TECPR2: variants seen among roughly 807,000 people sequenced by gnomAD.
The protein encoded by TECPR2 is tectonin beta-propeller repeat-containing protein 2.
Under a neutral mutation model 138.1 loss-of-function variants are expected in TECPR2, and 65 were observed. The ratio of observed to expected loss-of-function variants is 0.47; its 90% confidence interval spans 0.39 to 0.58. TECPR2 has a LOEUF of 0.58. Among genes scored for constraint, TECPR2 ranks in the 20% least tolerant of loss-of-function variants. The pLI is 0.00. For synonymous variants in TECPR2, 746 were observed against 749.8 expected (o/e 0.99, Z 0.08); for missense variants, 1,553 against 1,824.5 (o/e 0.85, Z 2.71).
intron 18 of TECPR2, 114 bp from the exon 19 acceptor site, chr14:102,497,456 T>A: frequency 1.5e-6 from 2 of 1,338,686 alleles, no homozygotes; most frequent in East Asian, 5.3e-5. Flanking sequence ...TCATGGGCAC[T>A]CCGTCCCCGC....
In TECPR2 at chr14:102,435,958, G is replaced by A. The variant is rs71415901; in HGVS notation, c.2394+747G>A. Among the ~76,000 whole-genome samples the A allele has an allele frequency of 9.1e-3, 1,384 of 152,270 alleles. 15 individuals carry two copies. Among genetic ancestry groups the A allele is most frequent in the Non-Finnish European group, 0.012 (818 of 68,022 alleles). On this transcript the variant is annotated intron_variant, in intron 9 of 19. Coordinates refer to ENST00000359520, the MANE Select transcript of TECPR2 (RefSeq NM_014844.5). ...GATGTGAGGTATGAATTATGGCTGCGCACTTACAGCCACGTGTGCTTTCCA... is the reference window on the plus strand; with the variant it reads ...GATGTGAGGTATGAATTATGGCTGCACACTTACAGCCACGTGTGCTTTCCA...
Position 102,421,069 on chromosome 14 carries a change from C to T in TECPR2, c.639-3910C>T, listed in dbSNP as rs114200702. On this transcript the variant is annotated intron_variant, in intron 5 of 19. Transcript: ENST00000359520. ...ACGATGTCTTACAGAATGTAGGAATCACTAAATGTTTGTTAACATGAGTGC... is the reference window on the plus strand; with the variant it reads ...ACGATGTCTTACAGAATGTAGGAATTACTAAATGTTTGTTAACATGAGTGC... Among the ~76,000 whole-genome samples the T allele has an allele frequency of 2.8e-3, 424 of 152,296 alleles. 3 individuals carry two copies. The highest frequency in any genetic ancestry group is 9.8e-3 in the African/African-American group (407 of 41,542).
chr14:102,438,220 TCCCTGCTCCCG>T lies in TECPR2; in HGVS notation c.2578+17_2578+27del, dbSNP rs761406354. On this transcript the variant is annotated intron_variant, in intron 10 of 19. Transcript: ENST00000359520. ...CTCGCCCTCAGGTTCGCCTCCCCGC[TCCCTGCTCCCG>T]CTCCCTGCTCCCGCTCGCCGCTCCT... 1.1e-6 allele frequency: 1 copy of T among 870,652 alleles called. No individual in the cohort carries two copies. Among genetic ancestry groups the T allele is most frequent in the South Asian group, 2.1e-5 (1 of 47,170 alleles). 53.9% of individuals were successfully genotyped at this position (870,652 alleles called of 1,614,324 possible). A position where few individuals can be genotyped will look rare whatever the true frequency, so the allele number is the denominator to read the frequency against.
intron 13 of TECPR2, among the ~76,000 whole-genome samples, chr14:102,448,808 G>A (rs544401740): frequency 9.2e-5 from 14 of 152,070 alleles, no homozygotes; most frequent in East Asian, 7.7e-4. Flanking sequence ...CAGAGGTTGC[G>A]GTGAGCCAAA....
In TECPR2 at chr14:102,492,257, C is replaced by CAGGGAGTG. The variant is rs1891174006; in HGVS notation, c.3790-4722_3790-4721insAGGGAGTG. On this transcript the variant is annotated intron_variant, in intron 17 of 19. Transcript: ENST00000359520. ...CTGGCCTCTCACCTAGAGTGAGGGC[C>CAGGGAGTG]CTGCCAGGGAGTGCCAGTCCTCCTT... is the stretch of plus-strand genomic sequence containing the variant. Among the ~76,000 whole-genome samples, 4 of 152,328 alleles carry CAGGGAGTG rather than the reference C, an allele frequency of 2.6e-5. No homozygotes were observed. The South Asian group carries it at 8.3e-4, about 32-fold the overall frequency.
chr14:102,453,095 A>G (rs1385635145), intron 16 of TECPR2, among the ~76,000 whole-genome samples: 6 of 152,242 alleles, frequency 3.9e-5, no homozygotes, highest in Non-Finnish European at 7.3e-5. Context: ...CCTTCAGCTC[A>G]GCCAGATATA....
At chr14:102,457,804 C>A (rs1267186645) in intron 16 of TECPR2, among the ~76,000 whole-genome samples, 1 of 149,480 alleles carries the variant, frequency 6.7e-6, no homozygotes, top group Admixed American at 6.7e-5. Context: ...TGTTCAATAT[C>A]AAATTTAGCC....
intron 13 of TECPR2, among the ~76,000 whole-genome samples, chr14:102,448,217 C>T (rs1167867111): frequency 6.6e-6 from 1 of 152,172 alleles, no homozygotes; most frequent in East Asian, 1.9e-4. Context: ...GCCTTGGCCT[C>T]CCAAAGTGCT....
In TECPR2 at chr14:102,415,970, G is replaced by C. The variant is rs72700604; in HGVS notation, c.638+1177G>C. ...TGAGGCGGAGCCAGCCCCTGTGGTC[G>C]TAGTCACTGCCCGTTATTCTGTGTT... On this transcript the variant is annotated intron_variant, in intron 5 of 19. Coordinates refer to ENST00000359520, the MANE Select transcript of TECPR2 (RefSeq NM_014844.5). This position sits in a 1 kb window ranked among gnomAD's most constrained non-coding sequence, Gnocchi z 4.3. Among the ~76,000 whole-genome samples the C allele has an allele frequency of 6.6e-6, 1 of 151,986 alleles. No individual in the cohort carries two copies. Among genetic ancestry groups the C allele is most frequent in the African/African-American group, 2.4e-5 (1 of 41,394 alleles).
chr14:102,465,116 T>A, intron 16 of TECPR2, 25 bp from the exon 17 acceptor site: 1 of 1,612,670 alleles, frequency 6.2e-7, no homozygotes, highest in South Asian at 1.1e-5. Flanking sequence ...GTAATTATAG[T>A]GTGTGTACTT....
chr14:102,441,123 G>A (rs1889818622), intron 11 of TECPR2, among the ~76,000 whole-genome samples: 1 of 152,024 alleles, frequency 6.6e-6, no homozygotes, highest in African/African-American at 2.4e-5. Context: ...GGCATGCAGT[G>A]GTGCCATCTT....
intron 4 of TECPR2, among the ~76,000 whole-genome samples, chr14:102,409,177 C>G (rs1888748420): frequency 6.6e-6 from 1 of 152,182 alleles, no homozygotes; most frequent in Admixed American, 6.5e-5. Flanking sequence ...GCACGTATGG[C>G]TTGATGATCT....
In TECPR2 at chr14:102,497,127, G is replaced by A. The variant is rs1475688517; in HGVS notation, c.3931+7G>A. 3.1e-6 allele frequency: 5 copies of A among 1,609,318 alleles called. No individual in the cohort carries two copies. The highest frequency in any genetic ancestry group is 2.2e-5 in the East Asian group (1 of 44,874). Reference sequence around the variant, plus strand: ...GCCTGGGAGCATGTGCCAGGTAGGAGCCTGCAGACAGGGCCTGTGGTGCCG... The same window carrying A: ...GCCTGGGAGCATGTGCCAGGTAGGAACCTGCAGACAGGGCCTGTGGTGCCG... On this transcript the variant is annotated splice_region_variant and intron_variant, in intron 18 of 19. Transcript: ENST00000359520.
intron 16 of TECPR2, among the ~76,000 whole-genome samples, chr14:102,458,826 A>C (rs1010602411): frequency 7.2e-5 from 11 of 151,868 alleles, no homozygotes; most frequent in Admixed American, 3.9e-4. Flanking sequence ...CTGTCATTTC[A>C]GAGCCAAGCA....
intron 3 of TECPR2, among the ~76,000 whole-genome samples, chr14:102,407,719 G>T (rs773375682): frequency 6.6e-6 from 1 of 151,830 alleles, no homozygotes; most frequent in African/African-American, 2.4e-5. Flanking sequence ...AAATTTGGCC[G>T]GGTGCAGTGG....
chr14:102,381,027 G>A (rs1887798500), intron 2 of TECPR2, among the ~76,000 whole-genome samples: 1 of 148,442 alleles, frequency 6.7e-6, no homozygotes, highest in Admixed American at 6.8e-5. Flanking sequence ...CCAGGCTGGA[G>A]CGTAGTGACT....
At chr14:102,402,850 A>C (rs1341162385) in intron 2 of TECPR2, among the ~76,000 whole-genome samples, 2 of 152,206 alleles carry the variant, frequency 1.3e-5, no homozygotes, top group Non-Finnish European at 2.9e-5. Context: ...GAAAAAATAG[A>C]ATACCTGAGT....
intron 17 of TECPR2, among the ~76,000 whole-genome samples, chr14:102,488,666 A>G (rs1191004523): frequency 6.6e-6 from 1 of 151,800 alleles, no homozygotes; most frequent in African/African-American, 2.4e-5. Context: ...TTATTGAGAT[A>G]ATGGTCACTG....
At position 102,443,598 on chromosome 14, in the gene TECPR2, T is replaced by C. The variant is rs779682391; in HGVS notation, c.2753-49T>C. On this transcript the variant is annotated intron_variant, in intron 11 of 19. Coordinates refer to ENST00000359520, the MANE Select transcript of TECPR2 (RefSeq NM_014844.5). The surrounding 1 kb of genome is among the most constrained non-coding windows in gnomAD (Gnocchi z 4.9). ...CCAATAACCAAGTCAAAATGAGGTG[T>C]GGAGTTCTGACTGTGTGTCTTTGGG... 1.4e-6 allele frequency: 2 copies of C among 1,434,312 alleles called. No individual in the cohort carries two copies. Among genetic ancestry groups the C allele is most frequent in the Non-Finnish European group, 1.9e-6 (2 of 1,076,082 alleles). The allele number at this position is 1,434,312 out of a possible 1,614,324, so 88.8% of individuals were successfully genotyped here.
Sources: gnomAD v4.1 joint callset for allele counts (sites outside exome capture counted in the v4.1 genomes callset) on GRCh38, gnomAD v4.1.1 for gene constraint, Gnocchi (gnomAD v3.1) non-coding constraint, MANE v1.5 for transcripts, NCBI Gene and HGNC (gene_info 2026-07-23, HGNC 2026-07-21) for gene names.